ABCA4: variants seen among roughly 807,000 people sequenced by gnomAD.
ABCA4 encodes the protein retinal-specific phospholipid-transporting ATPase ABCA4.
A neutral mutation model predicts 263.7 loss-of-function variants in ABCA4; 196 were observed. The ratio of observed to expected loss-of-function variants is 0.74; its 90% confidence interval spans 0.66 to 0.84. The LOEUF (loss-of-function observed/expected upper bound fraction) is 0.84. Among genes scored for constraint, ABCA4 ranks in the 40% least tolerant of loss-of-function variants. ABCA4 has a pLI of 0.00. For missense variants in ABCA4, 2,792 were observed against 2,855.1 expected, an observed-to-expected ratio of 0.98 and a Z score of 0.50; for synonymous variants, 1,133 against 1,094.2, an observed-to-expected ratio of 1.04 and a Z score of -0.70.
At chr1:94,104,443 C>T (rs1205736687) in intron 4 of ABCA4, among the ~76,000 whole-genome samples, 2 of 152,244 alleles carry the variant, frequency 1.3e-5, no homozygotes, top group African/African-American at 2.4e-5. Context: ...TCCCCTCCCC[C>T]AGTGGCCAAG....
rs369843169 is a variant in ABCA4 at position 94,119,327 on chromosome 1, G to A, written c.66+1653C>T. On this transcript the variant is annotated intron_variant, in intron 1 of 49. Transcript: ENST00000370225. Reference sequence around the variant, plus strand: ...AGAGGAAAGTGACCTGAGGACAATGGTGCTTCCCAGACAAGTCAGGTTTAA... The same window carrying A: ...AGAGGAAAGTGACCTGAGGACAATGATGCTTCCCAGACAAGTCAGGTTTAA... Among the ~76,000 whole-genome samples, 8 of 152,272 alleles carry A rather than the reference G, an allele frequency of 5.3e-5. No homozygotes were observed. The East Asian group carries it at 1.4e-3, about 26-fold the overall frequency.
intron 11 of ABCA4, among the ~76,000 whole-genome samples, chr1:94,068,393 T>A (rs1177103905): frequency 6.6e-6 from 1 of 152,192 alleles, no homozygotes; most frequent in East Asian, 1.9e-4. Context: ...GAAGTATGAG[T>A]CATGAGGTGG....
chr1:94,005,643 T>C, intron 43 of ABCA4, 61 bp from the exon 44 acceptor site: 1 of 1,562,786 alleles, frequency 6.4e-7, no homozygotes, highest in Non-Finnish European at 8.8e-7. Flanking sequence ...ACCATAGAGC[T>C]AGGGCTGGAG....
intron 14 of ABCA4, among the ~76,000 whole-genome samples, chr1:94,058,736 G>A (rs1661045500): frequency 6.6e-6 from 1 of 152,334 alleles, no homozygotes. Flanking sequence ...CAAACTTCTA[G>A]GACTTTTCAC....
intron 16 of ABCA4, among the ~76,000 whole-genome samples, chr1:94,054,899 T>A (rs980598852): frequency 3.8e-4 from 58 of 152,074 alleles, no homozygotes; most frequent in African/African-American, 1.4e-3. Context: ...GGGAAGGTTG[T>A]GGTGGAGGTG....
At chr1:94,084,397 A>G (rs1224193478) in intron 6 of ABCA4, among the ~76,000 whole-genome samples, 1 of 152,230 alleles carries the variant, frequency 6.6e-6, no homozygotes, top group Non-Finnish European at 1.5e-5. Context: ...TTGCCAGCAC[A>G]GTTCTCCTAA....
intron 47 of ABCA4, 35 bp downstream of exon 47, chr1:94,000,801 A>T: frequency 1.2e-6 from 2 of 1,603,884 alleles, no homozygotes; most frequent in Non-Finnish European, 1.7e-6. Flanking sequence ...GGATCCACAG[A>T]AGGCAACAAG....
intron 10 of ABCA4, 56 bp from the exon 11 acceptor site, chr1:94,077,943 G>T: frequency 6.5e-7 from 1 of 1,539,436 alleles, no homozygotes; most frequent in Non-Finnish European, 9.0e-7. Context: ...AGGATCTTTG[G>T]TCTTGTTCTT....
rs756818076 is a variant in ABCA4 at position 94,010,788 on chromosome 1, G to C, written c.5714+12C>G. 62 of 1,614,038 alleles carry C rather than the reference G, an allele frequency of 3.8e-5. No individual in the cohort carries two copies. Among genetic ancestry groups the C allele is most frequent in the Admixed American group, 3.5e-4 (21 of 60,006 alleles). On this transcript the variant is annotated intron_variant, in intron 40 of 49. Transcript: ENST00000370225. ...GAGCTGCCCACTGGCCCAGGGTGTGGCATGGACGTACCATTGGGAGAGGAA... is the reference window on the plus strand; with the variant it reads ...GAGCTGCCCACTGGCCCAGGGTGTGCCATGGACGTACCATTGGGAGAGGAA...
intron 30 of ABCA4, among the ~76,000 whole-genome samples, chr1:94,026,086 T>G (rs948202897): frequency 6.6e-6 from 1 of 152,226 alleles, no homozygotes; most frequent in Non-Finnish European, 1.5e-5. Flanking sequence ...TGGGAACACA[T>G]TCCGCTTACA....
chr1:94,041,341 A>T lies in ABCA4; in HGVS notation c.3390T>A (p.Ile1130=). The change falls in exon 23 of 50, where the codon ATT becomes ATA. Residue 1130 remains isoleucine, a synonymous_variant. Coordinates refer to ENST00000370225, the MANE Select transcript of ABCA4 (RefSeq NM_000350.3). ...AGAGCCTTCCCTGGGCAATGATGGC[A>T]ATGCGGTCCCCAAGGAGGTCGGCCT... The part of the protein sequence containing the change: ...MDEADLLGDR[I]AIIAQGRLYC... 6.2e-7 allele frequency: 1 copy of T among 1,614,154 alleles called. No individual in the cohort carries two copies. The highest frequency in any genetic ancestry group is 8.5e-7 in the Non-Finnish European group (1 of 1,180,036).
intron 38 of ABCA4, among the ~76,000 whole-genome samples, chr1:94,012,784 T>C (rs1481349796): frequency 6.6e-6 from 1 of 152,100 alleles, no homozygotes; most frequent in Non-Finnish European, 1.5e-5. Context: ...GTTGCAAACT[T>C]CGTGGGCAGG....
At chr1:94,030,566 C>G (rs184746707) in intron 28 of ABCA4, 40 bp from the exon 29 acceptor site, 1 of 1,579,204 alleles carries the variant, frequency 6.3e-7, no homozygotes, top group Non-Finnish European at 8.7e-7. Flanking sequence ...AGAGCAGGCG[C>G]GTGCCAACAT....
In ABCA4 at chr1:94,103,100, G is replaced by A; in HGVS notation, c.485C>T (p.Thr162Ile). Residue 162 changes from threonine to isoleucine, a missense_variant, in exon 5 of 50, where the codon ACA becomes ATA. Thr to Ile is a moderately conservative substitution (Grantham distance 89). Transcript: ENST00000370225. The stretch of plus-strand genomic sequence containing the variant: ...GTTTTTAATGAGAAATAGTGTCAGT[G>A]TTTCTTCATCTTTCAAGATATCCCT... ...RIRDILKDEE[T>I]LTLFLIKNIG... is the part of the protein sequence containing the mutation. 1.2e-6 allele frequency: 2 copies of A among 1,613,814 alleles called. No individual in the cohort carries two copies. Among genetic ancestry groups the A allele is most frequent in the Non-Finnish European group, 1.7e-6 (2 of 1,179,742 alleles).
At chr1:94,097,558 C>A (rs1440657997) in intron 6 of ABCA4, among the ~76,000 whole-genome samples, 5 of 152,136 alleles carry the variant, frequency 3.3e-5, no homozygotes, top group Non-Finnish European at 7.4e-5. Context: ...ATTATATATG[C>A]CACCTTCTCT....
rs1330344319 is a variant in ABCA4 at position 94,001,882 on chromosome 1, A to G, written c.6258T>C (p.Ile2086=). ...CCAGCAGCACCAGCGGTGGGCAGCCAATGAGTGCGATGGCTGTGGAGAGTT... is the reference window on the plus strand; with the variant it reads ...CCAGCAGCACCAGCGGTGGGCAGCCGATGAGTGCGATGGCTGTGGAGAGTT... The part of the protein sequence containing the change: ...KRKLSTAIAL[I]GCPPLVLLDE... The change falls in exon 45 of 50, where the codon ATT becomes ATC. Residue 2086 remains isoleucine, a synonymous_variant. Coordinates refer to ENST00000370225, the MANE Select transcript of ABCA4 (RefSeq NM_000350.3). The G allele has an allele frequency of 1.2e-6, 2 of 1,614,198 alleles. No homozygotes were observed. Among genetic ancestry groups the G allele is most frequent in the Non-Finnish European group, 1.7e-6 (2 of 1,180,032 alleles).
intron 1 of ABCA4, among the ~76,000 whole-genome samples, chr1:94,116,641 G>A (rs751880251): frequency 1.3e-5 from 2 of 152,172 alleles, no homozygotes; most frequent in African/African-American, 2.4e-5. Context: ...TAGCCTGACA[G>A]GTCTGGTTTT....
chr1:94,033,960 C>T (rs770299043), intron 26 of ABCA4, among the ~76,000 whole-genome samples: 36 of 152,108 alleles, frequency 2.4e-4, no homozygotes, highest in Non-Finnish European at 5.0e-4. Context: ...TTTGATCTCT[C>T]CCTGAAGGCT....
chr1:94,021,160 G>A lies in ABCA4; in HGVS notation c.5018+80C>T. The A allele has an allele frequency of 3.1e-6, 5 of 1,592,344 alleles. No individual in the cohort carries two copies. The South Asian group carries it at 4.4e-5, about 14-fold the overall frequency. ...TTACCATCCAAATCAGCACTTCGCG[G>A]TGGTGAGAATCCTCTCAGGATGTTC... is the stretch of plus-strand genomic sequence containing the variant. On this transcript the variant is annotated intron_variant, in intron 35 of 49. Coordinates refer to ENST00000370225, the MANE Select transcript of ABCA4 (RefSeq NM_000350.3).
Sources: allele counts gnomAD v4.1 joint callset (sites outside exome capture counted in the v4.1 genomes callset), GRCh38; gene constraint gnomAD v4.1.1; transcripts MANE v1.5; gene names NCBI Gene and HGNC (gene_info 2026-07-23, HGNC 2026-07-21).